AQP8: variants seen among roughly 807,000 people sequenced by gnomAD.
The protein encoded by AQP8 is aquaporin-8.
Under a neutral mutation model 26.1 loss-of-function variants are expected in AQP8, and 14 were observed. The observed-to-expected ratio is 0.54, with a 90% CI of 0.35 to 0.84. The LOEUF (loss-of-function observed/expected upper bound fraction) is 0.84, where lower values mean the gene tolerates loss of function less well. AQP8 is among the 40% of genes least tolerant of loss of function. AQP8 has a pLI of 0.01. For missense variants in AQP8, 301 were observed against 340.5 expected (o/e 0.88, Z 0.91); for synonymous variants, 131 against 150.7 (o/e 0.87, Z 0.96).
At position 25,224,214 on chromosome 16, in the gene AQP8, G is replaced by C. The variant is rs913143279; in HGVS notation, c.388-148G>C. On this transcript the variant is annotated intron_variant, in intron 3 of 5. Transcript: ENST00000219660. ...CGCACAGTAAAATCTGGCAGAGCTG[G>C]GATGTGGATGCAGGTATATCTAACT... 3 of 688,244 alleles carry C rather than the reference G, an allele frequency of 4.4e-6. No homozygotes were observed. The African/African-American group carries it at 5.4e-5, about 12-fold the overall frequency. The allele number at this position is 688,244 out of a possible 1,614,324, so 42.6% of individuals were successfully genotyped here.
intron 2 of AQP8, among the ~76,000 whole-genome samples, chr16:25,220,084 A>G (rs1423104445): frequency 6.6e-6 from 1 of 151,606 alleles, no homozygotes; most frequent in African/African-American, 2.4e-5. Context: ...CCGTGCATGG[A>G]GCTTATCTGA....
chr16:25,218,745 G>T (rs1183065480), intron 2 of AQP8, among the ~76,000 whole-genome samples: 1,639 of 145,888 alleles, frequency 0.011, 25 homozygotes, highest in African/African-American at 0.015. Flanking sequence ...CTGGGCGTGG[G>T]GGCAGGCACC....
chr16:25,218,055 C>T (rs1028687555), intron 2 of AQP8, among the ~76,000 whole-genome samples: 13 of 152,134 alleles, frequency 8.5e-5, no homozygotes, highest in Admixed American at 3.3e-4. Flanking sequence ...TGTAATCTGT[C>T]CAAGCTTAGA....
chr16:25,216,977 T>A lies in AQP8; in HGVS notation c.-69T>A. On this transcript the variant is annotated 5_prime_UTR_variant, in exon 1 of 6. Transcript: ENST00000219660. ...GTCCTGTCCCTAGGAGATAAGAGTA[T>A]CTTGCACAGCAGGTGCAGGTTTCCC... 6.2e-7 allele frequency: 1 copy of A among 1,607,558 alleles called. No homozygotes were observed. The highest frequency in any genetic ancestry group is 8.5e-7 in the Non-Finnish European group (1 of 1,176,454).
intron 2 of AQP8, among the ~76,000 whole-genome samples, chr16:25,218,415 A>G (rs1194195316): frequency 6.6e-6 from 1 of 152,168 alleles, no homozygotes; most frequent in Non-Finnish European, 1.5e-5. Flanking sequence ...GTCTGTGGAC[A>G]TGGCTGCTGG....
chr16:25,221,607 C>CTAGT lies in AQP8; in HGVS notation c.387+25_387+28dup, dbSNP rs768004431. On this transcript the variant is annotated intron_variant, in intron 3 of 5. Transcript: ENST00000219660. ...AGGTGGGTAAACCCCAGGGGCTGGGCTAGTCTTCCTCTCTGATGGGGCTGC... is the reference window on the plus strand; with the variant it reads ...AGGTGGGTAAACCCCAGGGGCTGGGCTAGTTAGTCTTCCTCTCTGATGGGGCTGC... 28 of 1,613,220 alleles carry CTAGT rather than the reference C, an allele frequency of 1.7e-5. No individual in the cohort carries two copies. The South Asian group carries it at 2.0e-4, about 11-fold the overall frequency.
rs774493823 is a variant in AQP8 at position 25,217,223 on chromosome 16, G to T, written c.38G>T (p.Gly13Val). ...ATAGCCATGTGTGAGCCTGAATTTG[G>T]CAATGACAAGGCCAGGGAGCCGAGC... is the stretch of plus-strand genomic sequence containing the variant. ...GEIAMCEPEF[G>V]NDKAREPSVG... Residue 13 changes from glycine (G) to valine (V), a missense_variant, in exon 2 of 6, where the codon GGC becomes GTC. Transcript: ENST00000219660. The T allele has an allele frequency of 3.1e-6, 5 of 1,614,014 alleles. No homozygotes were observed. In the African/African-American group the frequency reaches 6.7e-5, roughly 22 times the overall value.
chr16:25,228,642 G>A lies in AQP8; in HGVS notation c.*150G>A. On this transcript the variant is annotated 3_prime_UTR_variant, in exon 6 of 6. Coordinates refer to ENST00000219660, the MANE Select transcript of AQP8 (RefSeq NM_001169.3). ...CTGCTTGGGCCTGCTTTCTCAGATA[G>A]ACTGACTGCTGAGGAGGCTCTAGGT... is the stretch of plus-strand genomic sequence containing the variant. 1.4e-6 allele frequency: 1 copy of A among 732,830 alleles called. No individual in the cohort carries two copies. The highest frequency in any genetic ancestry group is 2.3e-6 in the Non-Finnish European group (1 of 438,164). 45.4% of individuals were successfully genotyped at this position (732,830 alleles called of 1,614,324 possible).
At chr16:25,220,773 G>A (rs113059242) in intron 2 of AQP8, among the ~76,000 whole-genome samples, 5,296 of 152,294 alleles carry the variant, frequency 0.035, 115 homozygotes, top group African/African-American at 0.05. Flanking sequence ...GACCCGGGCC[G>A]GGCACGGTAG....
intron 2 of AQP8, among the ~76,000 whole-genome samples, 182 bp from the exon 3 acceptor site, chr16:25,221,275 C>T (rs2141340923): frequency 6.6e-6 from 1 of 152,292 alleles, no homozygotes; most frequent in Non-Finnish European, 1.5e-5. Flanking sequence ...ATCTCTTACC[C>T]TCTGCCTGGC....
rs2141344673 is a variant in AQP8, at chr16:25,224,372, C to T, written c.398C>T (p.Pro133Leu). The change falls in exon 4 of 6, where the codon CCT (proline) becomes CTT (leucine). Residue 133 changes from proline to leucine, a missense_variant. By Grantham distance (98) the Pro-to-Leu change is moderately conservative. Transcript: ENST00000219660. ...LGAALAKAVS[P>L]EERFWNASGA... ...AGCTTCTCTGTGCAGGCGGTGAGTC[C>T]TGAGGAGAGGTTCTGGAATGCATCT... 2 of 1,613,292 alleles carry T rather than the reference C, an allele frequency of 1.2e-6. No individual in the cohort carries two copies. The highest frequency in any genetic ancestry group is 2.7e-5 in the African/African-American group (2 of 75,008).
At position 25,228,560 on chromosome 16, in the gene AQP8, G is replaced by C; in HGVS notation, c.*68G>C. 6.5e-7 allele frequency: 1 copy of C among 1,538,720 alleles called. No individual in the cohort carries two copies. The highest frequency in any genetic ancestry group is 9.0e-7 in the Non-Finnish European group (1 of 1,113,182). Reference sequence around the variant, plus strand: ...TCACCTGTCCCAGACTGAGGACAGGGGAGTTCCTGCATTTCCTGCCAGGGC... The same window carrying C: ...TCACCTGTCCCAGACTGAGGACAGGCGAGTTCCTGCATTTCCTGCCAGGGC... On this transcript the variant is annotated 3_prime_UTR_variant, in exon 6 of 6. Coordinates refer to ENST00000219660, the MANE Select transcript of AQP8 (RefSeq NM_001169.3).
chr16:25,219,789 C>T (rs1163364721), intron 2 of AQP8, among the ~76,000 whole-genome samples: 1 of 151,326 alleles, frequency 6.6e-6, no homozygotes, highest in African/African-American at 2.4e-5. Context: ...GTAATCCCAG[C>T]ACTTTGGGAG....
chr16:25,216,983 A>C lies in AQP8; in HGVS notation c.-63A>C, dbSNP rs1306974926. 2 of 1,610,854 alleles carry C rather than the reference A, an allele frequency of 1.2e-6. No individual in the cohort carries two copies. Among genetic ancestry groups the C allele is most frequent in the East Asian group, 4.5e-5 (2 of 44,860 alleles). On this transcript the variant is annotated 5_prime_UTR_variant, in exon 1 of 6. Coordinates refer to ENST00000219660, the MANE Select transcript of AQP8 (RefSeq NM_001169.3). ...TCCCTAGGAGATAAGAGTATCTTGC[A>C]CAGCAGGTGCAGGTTTCCCAGCAGC...
chr16:25,219,362 A>C (rs1029722515), intron 2 of AQP8, among the ~76,000 whole-genome samples: 1 of 151,284 alleles, frequency 6.6e-6, no homozygotes, highest in Non-Finnish European at 1.5e-5. Context: ...CGTGCCAGAC[A>C]CTGACTTTGA....
intron 2 of AQP8, among the ~76,000 whole-genome samples, chr16:25,220,099 C>T (rs1033528416): frequency 1.3e-5 from 2 of 152,084 alleles, no homozygotes; most frequent in Admixed American, 6.6e-5. Flanking sequence ...ATCTGAGGGC[C>T]TGGGCCCAGA....
In AQP8 at chr16:25,228,431, A is replaced by G; in HGVS notation, c.738-13A>G. ...TCCGGGGCAGAGACCTTACTGGGTC[A>G]TCTTTCTTGCAGGTGCTTCATTGGA... On this transcript the variant is annotated splice_polypyrimidine_tract_variant and intron_variant, in intron 5 of 5. Coordinates refer to ENST00000219660, the MANE Select transcript of AQP8 (RefSeq NM_001169.3). The G allele has an allele frequency of 6.2e-7, 1 of 1,613,868 alleles. No individual in the cohort carries two copies. The highest frequency in any genetic ancestry group is 8.5e-7 in the Non-Finnish European group (1 of 1,179,848).
chr16:25,220,389 A>G (rs1368464357), intron 2 of AQP8, among the ~76,000 whole-genome samples: 3 of 152,186 alleles, frequency 2.0e-5, no homozygotes, highest in Non-Finnish European at 4.4e-5. Context: ...TTCCTCCATC[A>G]GAGTGGGACT....
chr16:25,221,908 C>T (rs1962567764), intron 3 of AQP8, among the ~76,000 whole-genome samples: 1 of 152,056 alleles, frequency 6.6e-6, no homozygotes, highest in Admixed American at 6.6e-5. Flanking sequence ...ACTGGGATTA[C>T]AGGCGCATGC....
Sources: gnomAD v4.1 joint callset for allele counts (sites outside exome capture counted in the v4.1 genomes callset) on GRCh38, gnomAD v4.1.1 for gene constraint, MANE v1.5 for transcripts, NCBI Gene and HGNC (gene_info 2026-07-23, HGNC 2026-07-21) for gene names.